MYL6: variants seen among roughly 807,000 people sequenced by gnomAD.
MYL6 encodes the protein myosin light polypeptide 6.
In MYL6, 20 loss-of-function variants were observed where a neutral mutation model predicts 20.3. The observed-to-expected ratio is 0.98, with a 90% CI of 0.69 to 1.43. The LOEUF is 1.43. Among genes scored for constraint, MYL6 ranks in the 40% most tolerant of loss-of-function variants. The pLI is 0.00. For missense variants in MYL6, 164 were observed against 191.0 expected, an observed-to-expected ratio of 0.86 and a Z score of 0.83; for synonymous variants, 77 against 72.4, an observed-to-expected ratio of 1.06 and a Z score of -0.32.
chr12:56,160,691 T>C (rs1871741720), intron 6 of MYL6, 21 bp downstream of exon 6: 1 of 1,613,030 alleles, frequency 6.2e-7, no homozygotes, highest in South Asian at 1.1e-5. Flanking sequence ...TCCCAGCCTC[T>C]CCTCTAGTTG....
chr12:56,159,865 T>C (rs1871611292), intron 3 of MYL6, 110 bp from the exon 4 acceptor site: 1 of 1,524,094 alleles, frequency 6.6e-7, no homozygotes, highest in Non-Finnish European at 8.8e-7. Flanking sequence ...TCCTTGCTTT[T>C]AGTGGGGAGT....
chr12:56,158,418 C>T lies in MYL6; in HGVS notation c.3+14C>T, dbSNP rs2136910775. The T allele has an allele frequency of 6.5e-7, 1 of 1,535,266 alleles. No homozygotes were observed. Among genetic ancestry groups the T allele is most frequent in the East Asian group, 2.3e-5 (1 of 44,320 alleles). ...GCAGTCAAGATGGTGGGGCCCAGGT[C>T]TTGGGAGACGGGCAGGATTGGGGAC... On this transcript the variant is annotated intron_variant, in intron 1 of 6. Transcript: ENST00000550697.
intron 2 of MYL6, 165 bp from the exon 3 acceptor site, chr12:56,159,422 G>GT: frequency 1.1e-6 from 1 of 916,644 alleles, no homozygotes; most frequent in East Asian, 2.6e-5. Context: ...GAACACTTGA[G>GT]TTGGGAGGAA....
intron 6 of MYL6, 182 bp downstream of exon 6, chr12:56,160,852 G>A (rs1871767557): frequency 1.5e-5 from 10 of 661,864 alleles, no homozygotes; most frequent in South Asian, 1.3e-4. Flanking sequence ...TGGGGGTACA[G>A]TACCTCCTTA....
intron 2 of MYL6, 52 bp from the exon 3 acceptor site, chr12:56,159,535 A>G (rs531570726): frequency 6.3e-7 from 1 of 1,593,478 alleles, no homozygotes; most frequent in Non-Finnish European, 8.6e-7. Flanking sequence ...GCTCTGAGGT[A>G]GGGTTTGGAT....
At chr12:56,159,903 GTC>G in intron 3 of MYL6, 70 bp from the exon 4 acceptor site, 1 of 1,542,790 alleles carries the variant, frequency 6.5e-7, no homozygotes. Flanking sequence ...TTCAGTTGAG[GTC>G]TCTATAATCC....
At chr12:56,160,536 T>C (rs910702428) in intron 5 of MYL6, 90 bp from the exon 6 acceptor site, 1 of 1,475,864 alleles carries the variant, frequency 6.8e-7, no homozygotes, top group Admixed American at 1.7e-5. Flanking sequence ...GAATGAGAAG[T>C]GAAATAATGG....
In MYL6 at chr12:56,158,610, G is replaced by C. The variant is rs535809181; in HGVS notation, c.4-74G>C. On this transcript the variant is annotated intron_variant, in intron 1 of 6. Transcript: ENST00000550697. ...TTTGTGGGTCAGAGTTTGTGGGTCA[G>C]AGTTTGTGGGGCTGGGATAGAAACT... 123 of 1,614,068 alleles carry C rather than the reference G, an allele frequency of 7.6e-5. No homozygotes were observed. The East Asian group carries it at 2.7e-3, about 36-fold the overall frequency.
At chr12:56,158,518 AGGTTGGAGGTGG>A (rs1871469000) in intron 1 of MYL6, 114 bp downstream of exon 1, 2 of 1,603,818 alleles carry the variant, frequency 1.2e-6, no homozygotes, top group Non-Finnish European at 1.7e-6. Flanking sequence ...AGGACCCGAA[AGGTTGGAGGTGG>A]GGTTGGAAAG....
intron 6 of MYL6, 40 bp downstream of exon 6, chr12:56,160,710 A>G (rs532400097): frequency 6.2e-7 from 1 of 1,604,966 alleles, no homozygotes; most frequent in East Asian, 2.2e-5. Context: ...TGATCTCCCC[A>G]GTGTTTCTTT....
At chr12:56,158,628 TAGAA>T in intron 1 of MYL6, 52 bp from the exon 2 acceptor site, 1 of 1,614,114 alleles carries the variant, frequency 6.2e-7, no homozygotes, top group Non-Finnish European at 8.5e-7. Flanking sequence ...GGGGCTGGGA[TAGAA>T]ACTCGGGGGA....
chr12:56,161,130 G>C (rs2136920159), intron 6 of MYL6: 1 of 601,570 alleles, frequency 1.7e-6, no homozygotes, highest in Middle Eastern at 4.5e-4. Context: ...AGCTGTAGGT[G>C]TAGTGGAGAA....
rs1252227161 is a variant in MYL6, at chr12:56,159,537, G to A, written c.32-50G>A. On this transcript the variant is annotated intron_variant, in intron 2 of 6. Coordinates refer to ENST00000550697, the MANE Select transcript of MYL6 (RefSeq NM_021019.5). ...AATGGGCAGCAGAGCTCTGAGGTAG[G>A]GTTTGGATTAACCCTCAAATCCTGT... The A allele has an allele frequency of 6.3e-6, 10 of 1,597,876 alleles. No individual in the cohort carries two copies. In the African/African-American group the frequency reaches 8.0e-5, roughly 13 times the overall value.
rs530415173 is a variant in MYL6 at position 56,160,655 on chromosome 12, C to A, written c.*1C>A. Reference sequence around the variant, plus strand: ...TGTGAGGCATATCCTGTCGGGGTGACGGGCCCATGGGGCGGGTACGGCTCC... The same window carrying A: ...TGTGAGGCATATCCTGTCGGGGTGAAGGGCCCATGGGGCGGGTACGGCTCC... On this transcript the variant is annotated 3_prime_UTR_variant, in exon 6 of 7. Coordinates refer to ENST00000550697, the MANE Select transcript of MYL6 (RefSeq NM_021019.5). 1.2e-6 allele frequency: 2 copies of A among 1,613,970 alleles called. No individual in the cohort carries two copies. Among genetic ancestry groups the A allele is most frequent in the African/African-American group, 1.3e-5 (1 of 74,906 alleles).
chr12:56,161,224 A>G (rs779343155), intron 6 of MYL6, 163 bp from the exon 7 acceptor site: 17 of 756,966 alleles, frequency 2.2e-5, no homozygotes, highest in Non-Finnish European at 3.7e-5. Context: ...GGGCATGGAG[A>G]ACTGGTCAGA....
At position 56,160,609 on chromosome 12, in the gene MYL6, T is replaced by C; in HGVS notation, c.428-17T>C. 1 of 1,614,196 alleles carries C rather than the reference T, an allele frequency of 6.2e-7. No homozygotes were observed. The highest frequency in any genetic ancestry group is 8.5e-7 in the Non-Finnish European group (1 of 1,179,990). On this transcript the variant is annotated splice_polypyrimidine_tract_variant and intron_variant, in intron 5 of 6. Transcript: ENST00000550697. ...CTTTGTCTTGTCTTCACCATGAATG[T>C]CTCTTCCTTCCTGCAGCGTTTGTGA...
intron 1 of MYL6, 119 bp downstream of exon 1, chr12:56,158,523 G>A: frequency 6.2e-7 from 1 of 1,607,628 alleles, no homozygotes; most frequent in Non-Finnish European, 8.5e-7. Flanking sequence ...CCGAAAGGTT[G>A]GAGGTGGGGT....
chr12:56,161,193 A>G, intron 6 of MYL6, 194 bp from the exon 7 acceptor site: 1 of 649,760 alleles, frequency 1.5e-6, no homozygotes, highest in Non-Finnish European at 2.8e-6. Flanking sequence ...GGGGACTAAC[A>G]GCTGCTGGGA....
rs1871867046 is a variant in MYL6 at position 56,161,482 on chromosome 12, TC to T, written c.*115del. On this transcript the variant is annotated 3_prime_UTR_variant, in exon 7 of 7. Transcript: ENST00000550697. ...TGAATTTTGTATCTAGCCTAAAGTTTCCCTAGGCTTTCTTGTCTCAGCAACT... is the reference window on the plus strand; with the variant it reads ...TGAATTTTGTATCTAGCCTAAAGTTTCCTAGGCTTTCTTGTCTCAGCAACT... The T allele has an allele frequency of 6.4e-7, 1 of 1,564,160 alleles. No individual in the cohort carries two copies. The highest frequency in any genetic ancestry group is 8.8e-7 in the Non-Finnish European group (1 of 1,135,078).
Sources: gnomAD v4.1 joint callset for allele counts on GRCh38, gnomAD v4.1.1 for gene constraint, MANE v1.5 for transcripts, NCBI Gene and HGNC (gene_info 2026-07-23, HGNC 2026-07-21) for gene names.